Variants in NINJ1 observed in about 807,000 individuals in gnomAD.
NINJ1 encodes ninjurin-1.
A neutral mutation model predicts 12.7 loss-of-function variants in NINJ1; 6 were observed. The observed-to-expected ratio is 0.47, with a 90% CI of 0.26 to 0.93. The LOEUF is 0.93. Among genes scored for constraint, NINJ1 ranks in the 40% least tolerant of loss-of-function variants. The pLI, the probability that NINJ1 is intolerant of heterozygous loss-of-function variation, is 0.15. For synonymous variants in NINJ1, 100 were observed against 96.0 expected, an observed-to-expected ratio of 1.04 and a Z score of -0.25; for missense variants, 170 against 213.0, an observed-to-expected ratio of 0.80 and a Z score of 1.26.
intron 1 of NINJ1, among the ~76,000 whole-genome samples, chr9:93,133,771 C>A (rs993058704): frequency 6.6e-6 from 1 of 152,212 alleles, no homozygotes; most frequent in Non-Finnish European, 1.5e-5. Context: ...CACGGCGAGG[C>A]TGAAGTTAGA....
intron 1 of NINJ1, among the ~76,000 whole-genome samples, chr9:93,130,312 C>T (rs1006463329): frequency 1.3e-5 from 2 of 152,142 alleles, no homozygotes; most frequent in African/African-American, 2.4e-5. Flanking sequence ...GTCCTAGGGC[C>T]ACTTCAGTGA....
Position 93,134,230 on chromosome 9 carries a change from C to T in NINJ1, c.-13G>A. 1 of 1,467,882 alleles carries T rather than the reference C, an allele frequency of 6.8e-7. No homozygotes were observed. Among genetic ancestry groups the T allele is most frequent in the Non-Finnish European group, 9.1e-7 (1 of 1,098,564 alleles). The allele number at this position is 1,467,882 out of a possible 1,614,324, so 90.9% of individuals were successfully genotyped here. A position where few individuals can be genotyped will look rare whatever the true frequency, so the allele number is the denominator to read the frequency against. On this transcript the variant is annotated 5_prime_UTR_variant, in exon 1 of 4. Transcript: ENST00000375446. ...TTCCCGAGTCCATGGTGCGGCCGCC[C>T]AGGCCGCCAGGATCCGGGCCTGAGC...
chr9:93,130,429 C>T (rs1429916416), intron 1 of NINJ1, among the ~76,000 whole-genome samples: 1 of 152,202 alleles, frequency 6.6e-6, no homozygotes, highest in Non-Finnish European at 1.5e-5. Flanking sequence ...TGTTCTGGCT[C>T]ACCCAGGGCT....
intron 2 of NINJ1, chr9:93,126,191 T>C: frequency 5.5e-6 from 3 of 543,064 alleles, no homozygotes; most frequent in Non-Finnish European, 6.3e-6. Context: ...AGGGGGACCT[T>C]GTTTCAAAAA....
chr9:93,125,208 G>T, intron 2 of NINJ1, 146 bp from the exon 3 acceptor site: 1 of 771,538 alleles, frequency 1.3e-6, no homozygotes, highest in Non-Finnish European at 1.9e-6. Context: ...GAGTTTTGTC[G>T]CCCAGAGAAA....
chr9:93,123,191 G>A lies in NINJ1; in HGVS notation c.*10-961C>T, dbSNP rs528202106. On this transcript the variant is annotated intron_variant, in intron 3 of 3. Transcript: ENST00000375446. ...GAGCAGCGGTCACTCGTTGGCCCCC[G>A]TGTGGGGAGGGGTGAGGCCAGGTGG... 1.9e-4 allele frequency among the ~76,000 whole-genome samples: 29 copies of A among 152,284 alleles called. 1 individual carries two copies. In the South Asian group the frequency reaches 5.4e-3, roughly 28 times the overall value.
rs140314050 is a variant in NINJ1 at position 93,125,275 on chromosome 9, C to T, written c.305-213G>A. ...AGCGCCCCTGGCTTGGGCAACCCCA[C>T]GGTCTATGACCCCACCTTCTGTAGC... On this transcript the variant is annotated intron_variant, in intron 2 of 3. Coordinates refer to ENST00000375446, the MANE Select transcript of NINJ1 (RefSeq NM_004148.4). The T allele has an allele frequency of 2.0e-3, 922 of 470,044 alleles. 8 individuals carry two copies. The highest frequency in any genetic ancestry group is 0.016 in the African/African-American group (801 of 50,496). 29.1% of individuals were successfully genotyped at this position (470,044 alleles called of 1,614,324 possible).
intron 3 of NINJ1, among the ~76,000 whole-genome samples, chr9:93,123,777 G>A (rs1827770001): frequency 6.6e-6 from 1 of 152,244 alleles, no homozygotes; most frequent in South Asian, 2.1e-4. Flanking sequence ...CGCGGGGACT[G>A]TGGTGTGTGG....
At chr9:93,130,563 G>A (rs1009508621) in intron 1 of NINJ1, among the ~76,000 whole-genome samples, 2 of 152,162 alleles carry the variant, frequency 1.3e-5, no homozygotes, top group Non-Finnish European at 2.9e-5. Flanking sequence ...TTTACCCCCC[G>A]AGTCCTGCCT....
At chr9:93,133,106 C>A (rs1295262890) in intron 1 of NINJ1, among the ~76,000 whole-genome samples, 2 of 152,224 alleles carry the variant, frequency 1.3e-5, no homozygotes, top group Non-Finnish European at 2.9e-5. Flanking sequence ...TGGGGTCCCG[C>A]ACACCGGTCA....
intron 1 of NINJ1, among the ~76,000 whole-genome samples, chr9:93,128,564 C>T (rs1233507039): frequency 6.6e-6 from 1 of 152,246 alleles, no homozygotes; most frequent in Non-Finnish European, 1.5e-5. Context: ...CAGTGGGCCA[C>T]ACCCCATCAC....
At chr9:93,131,750 G>C (rs1332984602) in intron 1 of NINJ1, among the ~76,000 whole-genome samples, 1 of 152,224 alleles carries the variant, frequency 6.6e-6, no homozygotes, top group Non-Finnish European at 1.5e-5. Flanking sequence ...AAGGGCCACA[G>C]GGGCGCAGGG....
chr9:93,126,737 C>A lies in NINJ1; in HGVS notation c.76-99G>T, dbSNP rs574864844. The stretch of plus-strand genomic sequence containing the variant: ...GGTCACCGGGCCCTGCAGGTGAGGG[C>A]TTCCCTTGCCCCCACCCCTGGTAAG... On this transcript the variant is annotated intron_variant, in intron 1 of 3. Coordinates refer to ENST00000375446, the MANE Select transcript of NINJ1 (RefSeq NM_004148.4). The A allele has an allele frequency of 3.5e-5, 30 of 856,644 alleles. No individual in the cohort carries two copies. In the African/African-American group the frequency reaches 4.6e-4, roughly 13 times the overall value. 53.1% of individuals were successfully genotyped at this position (856,644 alleles called of 1,614,324 possible).
At chr9:93,126,244 AG>A (rs948236532) in intron 2 of NINJ1, 165 bp downstream of exon 2, 38 of 493,280 alleles carry the variant, frequency 7.7e-5, no homozygotes, top group South Asian at 2.4e-4. Context: ...GGGTGGGGGG[AG>A]GGGGGGTGCC....
chr9:93,131,258 G>A (rs1564220804), intron 1 of NINJ1, among the ~76,000 whole-genome samples: 1 of 152,234 alleles, frequency 6.6e-6, no homozygotes, highest in African/African-American at 2.4e-5. Flanking sequence ...GCTGGAAGGC[G>A]GGGTTCCCAC....
chr9:93,126,082 A>G, intron 2 of NINJ1: 1 of 331,286 alleles, frequency 3.0e-6, no homozygotes, highest in Non-Finnish European at 5.6e-6. Context: ...CTGTAATCCC[A>G]GTTACTTTGG....
At chr9:93,122,445 GGAAGGAGGGAGAGGAGAGGCTCTGAGCCT>G (rs1413664756) in intron 3 of NINJ1, among the ~76,000 whole-genome samples, 1 of 123,810 alleles carries the variant, frequency 8.1e-6, no homozygotes, top group African/African-American at 3.0e-5. Flanking sequence ...CTCTGAGCCT[GGAAGGAGGGAGAGGAGAGGCTCTGAGCCT>G]GGAAGGAGGG....
At chr9:93,125,089 G>A (rs765989882) in intron 2 of NINJ1, 27 bp from the exon 3 acceptor site, 3 of 1,593,148 alleles carry the variant, frequency 1.9e-6, no homozygotes, top group Non-Finnish European at 2.6e-6. Flanking sequence ...AGTGGATGGT[G>A]CCAAGGGCAG....
At chr9:93,130,598 G>C (rs1447190762) in intron 1 of NINJ1, among the ~76,000 whole-genome samples, 1 of 152,204 alleles carries the variant, frequency 6.6e-6, no homozygotes, top group Non-Finnish European at 1.5e-5. Flanking sequence ...CTATGCCTCA[G>C]TTTCCTCATT....
Sources: allele counts gnomAD v4.1 joint callset (sites outside exome capture counted in the v4.1 genomes callset), GRCh38; gene constraint gnomAD v4.1.1; transcripts MANE v1.5; gene names NCBI Gene and HGNC (gene_info 2026-07-23, HGNC 2026-07-21).